Variants in ARHGAP27 observed in about 807,000 individuals in gnomAD.
ARHGAP27 encodes Rho GTPase activating protein 27.
A neutral mutation model predicts 102.0 loss-of-function variants in ARHGAP27; 53 were observed. The observed-to-expected ratio is 0.52, with a 90% CI of 0.42 to 0.65. The LOEUF is 0.65. Ranked by LOEUF, ARHGAP27 falls within the 30% of genes least tolerant of loss-of-function variation. The pLI, the probability that ARHGAP27 is intolerant of heterozygous loss-of-function variation, is 0.00. For missense variants in ARHGAP27, 1,117 were observed against 1,256.2 expected, an observed-to-expected ratio of 0.89 and a Z score of 1.68; for synonymous variants, 525 against 542.8, an observed-to-expected ratio of 0.97 and a Z score of 0.46.
intron 4 of ARHGAP27, among the ~76,000 whole-genome samples, chr17:45,424,157 G>C (rs894438674): frequency 2.0e-5 from 3 of 152,226 alleles, no homozygotes; most frequent in African/African-American, 7.2e-5. Context: ...AAGGAGGCAG[G>C]GTGGGCACCC....
intron 4 of ARHGAP27, among the ~76,000 whole-genome samples, chr17:45,410,830 G>C (rs1168992725): frequency 6.6e-6 from 1 of 152,090 alleles, no homozygotes; most frequent in East Asian, 1.9e-4. Flanking sequence ...AAGCTTGTGG[G>C]GGGGAGGGGA....
chr17:45,424,467 A>G (rs950057692), intron 4 of ARHGAP27, among the ~76,000 whole-genome samples: 13 of 152,180 alleles, frequency 8.5e-5, no homozygotes, highest in Admixed American at 7.2e-4. Flanking sequence ...CGCCCTGGTC[A>G]CGATCATGGA....
intron 4 of ARHGAP27, among the ~76,000 whole-genome samples, chr17:45,421,709 G>A (rs998496406): frequency 6.6e-6 from 1 of 151,940 alleles, no homozygotes; most frequent in African/African-American, 2.4e-5. Context: ...GGAAGAAAAA[G>A]GAAATCGATA....
Position 45,415,242 on chromosome 17 carries a change from C to G in ARHGAP27, c.658-9159G>C, listed in dbSNP as rs1425263663. ...CCTTGATGATAGATCTGGTCCTCCTCTGGCCTGACTTCTCTCCAGTGTTTG... is the reference window on the plus strand; with the variant it reads ...CCTTGATGATAGATCTGGTCCTCCTGTGGCCTGACTTCTCTCCAGTGTTTG... On this transcript the variant is annotated intron_variant, in intron 4 of 19. Transcript: ENST00000685559. 3.3e-5 allele frequency among the ~76,000 whole-genome samples: 5 copies of G among 152,148 alleles called. No homozygotes were observed. The East Asian group carries it at 9.6e-4, about 29-fold the overall frequency.
chr17:45,422,034 C>T (rs1016551056), intron 4 of ARHGAP27, among the ~76,000 whole-genome samples: 9 of 152,106 alleles, frequency 5.9e-5, no homozygotes, highest in African/African-American at 7.2e-5. Context: ...GATGTGGTGG[C>T]GTGTGCCTGT....
intron 4 of ARHGAP27, among the ~76,000 whole-genome samples, chr17:45,420,556 G>C (rs2048926254): frequency 6.6e-6 from 1 of 151,974 alleles, no homozygotes; most frequent in Admixed American, 6.6e-5. Flanking sequence ...ATACTATCTA[G>C]TAAAATAAAT....
chr17:45,427,262 C>T lies in ARHGAP27; in HGVS notation c.657+2361G>A, dbSNP rs186379173. Reference sequence around the variant, plus strand: ...CCTGTCTCTGCTAAAAGCCTCACAGCGGCTGCAGGATAATGTGCACATTCC... The same window carrying T: ...CCTGTCTCTGCTAAAAGCCTCACAGTGGCTGCAGGATAATGTGCACATTCC... On this transcript the variant is annotated intron_variant, in intron 4 of 19. Transcript: ENST00000685559. This position sits in a 1 kb window ranked among gnomAD's most constrained non-coding sequence, Gnocchi z 4.5. Among the ~76,000 whole-genome samples the T allele has an allele frequency of 2.6e-4, 39 of 152,314 alleles. No individual in the cohort carries two copies. The highest frequency in any genetic ancestry group is 4.6e-4 in the African/African-American group (19 of 41,568).
Position 45,397,967 on chromosome 17 carries a change from A to G in ARHGAP27, c.1824T>C (p.Ala608=), listed in dbSNP as rs759447924. 6.2e-7 allele frequency: 1 copy of G among 1,608,830 alleles called. No individual in the cohort carries two copies. Among genetic ancestry groups the G allele is most frequent in the South Asian group, 1.1e-5 (1 of 90,794 alleles). ...AIISTWHKAI[A]QGIQELSAEL... is the part of the protein sequence containing the mutation. Reference sequence around the variant, plus strand: ...TGCTTACCAGCTCCTGGATGCCCTGAGCAATGGCCTTATGCCAGGTGCTGA... The same window carrying G: ...TGCTTACCAGCTCCTGGATGCCCTGGGCAATGGCCTTATGCCAGGTGCTGA... Residue 608 remains alanine (A), a synonymous_variant, in exon 13 of 20, where the codon GCT becomes GCC. Transcript: ENST00000685559.
chr17:45,410,469 G>A, intron 4 of ARHGAP27: 1 of 1,334,810 alleles, frequency 7.5e-7, no homozygotes, highest in African/African-American at 1.5e-5. Context: ...AGTTGGGGCG[G>A]GTGGGGTGGA....
rs2046743489 is a variant in ARHGAP27, at chr17:45,403,631, A to T, written c.1626T>A (p.Ala542=). The change falls in exon 11 of 20, where the codon GCT becomes GCA. Residue 542 remains alanine (A), a synonymous_variant. Coordinates refer to ENST00000685559, the MANE Select transcript of ARHGAP27 (RefSeq NM_001282290.2). ...LTFFKDSKTS[A]AGGLRQPSKF... ...GGCCTGGCCTTACCAGGCCGCCTGCAGCCGAGGTCTTTGAGTCCTTGAAGA... is the reference window on the plus strand; with the variant it reads ...GGCCTGGCCTTACCAGGCCGCCTGCTGCCGAGGTCTTTGAGTCCTTGAAGA... The T allele has an allele frequency of 6.2e-7, 1 of 1,613,802 alleles. No homozygotes were observed. Among genetic ancestry groups the T allele is most frequent in the Admixed American group, 1.7e-5 (1 of 59,998 alleles).
At position 45,397,005 on chromosome 17, in the gene ARHGAP27, T is replaced by A. The variant is rs770188291; in HGVS notation, c.1862A>T (p.Glu621Val). 3 of 1,604,016 alleles carry A rather than the reference T, an allele frequency of 1.9e-6. No individual in the cohort carries two copies. Among genetic ancestry groups the A allele is most frequent in the Non-Finnish European group, 2.5e-6 (3 of 1,179,962 alleles). ...IQELSAELPP[E>V]ESESSRVDFG... ...GTCCACTCTGCTGCTCTCGCTCTCC[T>A]CTGGGGGCAGCTCTGCGGACTGGAT... The change falls in exon 14 of 20, where the codon GAG becomes GTG. Residue 621 changes from glutamate (E) to valine (V), a missense_variant. By Grantham distance (121) the Glu-to-Val change is moderately radical. Transcript: ENST00000685559.
chr17:45,420,093 G>A (rs1224297833), intron 4 of ARHGAP27, among the ~76,000 whole-genome samples: 1 of 152,128 alleles, frequency 6.6e-6, no homozygotes, highest in East Asian at 1.9e-4. Flanking sequence ...TCCCACTTCT[G>A]CAATTTTTCC....
chr17:45,431,124 A>C (rs1403346481), intron 3 of ARHGAP27, among the ~76,000 whole-genome samples: 3 of 151,540 alleles, frequency 2.0e-5, no homozygotes, highest in African/African-American at 7.3e-5. Flanking sequence ...TGTCCCCACG[A>C]GTGGCTCCTG....
intron 4 of ARHGAP27, among the ~76,000 whole-genome samples, chr17:45,423,635 A>G (rs1014907765): frequency 6.6e-6 from 1 of 152,150 alleles, no homozygotes; most frequent in African/African-American, 2.4e-5. Context: ...ATGCCATACA[A>G]TATCATAACT....
At chr17:45,431,208 T>G (rs1202265348) in intron 3 of ARHGAP27, among the ~76,000 whole-genome samples, 1 of 152,030 alleles carries the variant, frequency 6.6e-6, no homozygotes, top group East Asian at 1.9e-4. Flanking sequence ...TCCGGAGTGG[T>G]GGTCATAAGC....
In ARHGAP27 at chr17:45,429,780, G is replaced by A; in HGVS notation, c.500C>T (p.Pro167Leu). 6.6e-7 allele frequency: 1 copy of A among 1,523,604 alleles called. No homozygotes were observed. Among genetic ancestry groups the A allele is most frequent in the African/African-American group, 1.4e-5 (1 of 71,072 alleles). 94.4% of individuals were successfully genotyped at this position (1,523,604 alleles called of 1,614,324 possible). A position where few individuals can be genotyped will look rare whatever the true frequency, so the allele number is the denominator to read the frequency against. The part of the protein sequence containing the change: ...LNDLACAAVS[P>L]PAGLLGSSGS... ...GCTGCTTCCTAGGAGGCCGGCGGGA[G>A]GCGAGACGGCGGCGCAGGCCAGGTC... Residue 167 changes from proline (P) to leucine (L), a missense_variant, in exon 4 of 20, where the codon CCT (proline) becomes CTT (leucine). By Grantham distance (98) the Pro-to-Leu change is moderately conservative (BLOSUM62 -3). Around this residue, in one of 3 missense-constraint regions of ARHGAP27, gnomAD observed 610 missense variants for 716.4 expected, o/e 0.85. Transcript: ENST00000685559.
Position 45,402,332 on chromosome 17 carries a change from A to G in ARHGAP27, c.1743+382T>C, listed in dbSNP as rs373568304. On this transcript the variant is annotated intron_variant, in intron 12 of 19. Transcript: ENST00000685559. ...GAGGCCCTACTCCTCACCACCCTCC[A>G]GGGCAAGGATTATTATTAACTCAGC... Among the ~76,000 whole-genome samples the G allele has an allele frequency of 2.0e-5, 3 of 152,154 alleles. No individual in the cohort carries two copies. In the East Asian group the frequency reaches 5.8e-4, roughly 29 times the overall value.
Position 45,427,766 on chromosome 17 carries a change from C to A in ARHGAP27, c.657+1857G>T, listed in dbSNP as rs2049758096. ...GGGCCAGAGAGCTGCCTGTCTCTGG[C>A]CAATGTCCTAGATTCCCCCCCTGGG... On this transcript the variant is annotated intron_variant, in intron 4 of 19. Transcript: ENST00000685559. This position sits in a 1 kb window ranked among gnomAD's most constrained non-coding sequence, Gnocchi z 4.5. 6.6e-6 allele frequency among the ~76,000 whole-genome samples: 1 copy of A among 152,198 alleles called. No homozygotes were observed. Among genetic ancestry groups the A allele is most frequent in the South Asian group, 2.1e-4 (1 of 4,830 alleles).
chr17:45,418,698 G>T (rs1359793942), intron 4 of ARHGAP27, among the ~76,000 whole-genome samples: 1 of 152,120 alleles, frequency 6.6e-6, no homozygotes, highest in Non-Finnish European at 1.5e-5. Flanking sequence ...ACAGTGGGTG[G>T]GTGGGACCTG....
Sources: allele counts gnomAD v4.1 joint callset (sites outside exome capture counted in the v4.1 genomes callset), GRCh38; gene constraint gnomAD v4.1.1; regional missense constraint gnomAD v4.1.1; non-coding constraint Gnocchi (gnomAD v3.1); transcripts MANE v1.5; gene names NCBI Gene and HGNC (gene_info 2026-07-23, HGNC 2026-07-21).